Variants in TAF4B observed in about 807,000 individuals in gnomAD.
TAF4B encodes the protein transcription initiation factor TFIID subunit 4B.
A neutral mutation model predicts 86.4 loss-of-function variants in TAF4B; 38 were observed. The ratio of observed to expected loss-of-function variants is 0.44; its 90% confidence interval spans 0.34 to 0.58. TAF4B has a LOEUF of 0.58. Ranked by LOEUF, TAF4B falls within the 20% of genes least tolerant of loss-of-function variation. The pLI is 0.02. For missense variants in TAF4B, 988 were observed against 1,027.6 expected, an observed-to-expected ratio of 0.96 and a Z score of 0.53; for synonymous variants, 388 against 391.2, an observed-to-expected ratio of 0.99 and a Z score of 0.10.
At chr18:26,331,894 C>G (rs2057053135) in intron 12 of TAF4B, among the ~76,000 whole-genome samples, 1 of 152,190 alleles carries the variant, frequency 6.6e-6, no homozygotes, top group Non-Finnish European at 1.5e-5. Context: ...CTAAAAGCCT[C>G]CAGTGGCTTC....
chr18:26,336,391 T>C (rs1260553585), intron 13 of TAF4B, among the ~76,000 whole-genome samples: 1 of 152,188 alleles, frequency 6.6e-6, no homozygotes, highest in East Asian at 1.9e-4. Flanking sequence ...TTGTTTGGAT[T>C]AATGTAGGAA....
chr18:26,371,640 G>T (rs1460054650), intron 14 of TAF4B, among the ~76,000 whole-genome samples: 1 of 152,202 alleles, frequency 6.6e-6, no homozygotes, highest in African/African-American at 2.4e-5. Context: ...GGTGATCATG[G>T]TATCCCTAGA....
chr18:26,295,455 A>G (rs575963160), intron 9 of TAF4B: 1 of 176,740 alleles, frequency 5.7e-6, no homozygotes, highest in South Asian at 1.2e-4. Context: ...GATTCTTATA[A>G]GGAGCACACA....
At chr18:26,308,010 A>G (rs573348351) in intron 9 of TAF4B, among the ~76,000 whole-genome samples, 1 of 152,206 alleles carries the variant, frequency 6.6e-6, no homozygotes, top group African/African-American at 2.4e-5. Context: ...TGGGAGGCTG[A>G]GGCAGGGAGA....
chr18:26,366,039 C>T (rs570238540), intron 14 of TAF4B, among the ~76,000 whole-genome samples: 158 of 152,274 alleles, frequency 1.0e-3, no homozygotes, highest in South Asian at 3.1e-3. Flanking sequence ...GATCCGCTGC[C>T]TCGGCCTCCT....
At chr18:26,242,891 T>G (rs909959895) in intron 1 of TAF4B, among the ~76,000 whole-genome samples, 5 of 152,214 alleles carry the variant, frequency 3.3e-5, no homozygotes, top group Non-Finnish European at 7.3e-5. Context: ...ATTCTTTCTT[T>G]AAGAATGTTG....
rs563036342 is a variant in TAF4B, at chr18:26,376,610, T to C, written c.2422-13235T>C. ...TTCTTGGGATTTTCTATATACAAGA[T>C]CATGTCATCTGCAAATAGTGGTAGT... On this transcript the variant is annotated intron_variant, in intron 14 of 14. Transcript: ENST00000269142. 7.2e-5 allele frequency among the ~76,000 whole-genome samples: 11 copies of C among 152,182 alleles called. 1 individual carries two copies. In the South Asian group the frequency reaches 2.3e-3, roughly 32 times the overall value.
chr18:26,299,836 A>G (rs1000269251), intron 9 of TAF4B, among the ~76,000 whole-genome samples: 1 of 152,062 alleles, frequency 6.6e-6, no homozygotes, highest in Non-Finnish European at 1.5e-5. Context: ...TTTTCTTTTG[A>G]ATGTGTATAG....
intron 13 of TAF4B, among the ~76,000 whole-genome samples, chr18:26,342,387 C>T (rs1000167590): frequency 6.6e-6 from 1 of 152,162 alleles, no homozygotes; most frequent in Non-Finnish European, 1.5e-5. Flanking sequence ...CTGTTCCTGT[C>T]CAGGCTGTTA....
chr18:26,260,855 A>C (rs2056155235), intron 1 of TAF4B, among the ~76,000 whole-genome samples: 1 of 152,074 alleles, frequency 6.6e-6, no homozygotes, highest in South Asian at 2.1e-4. Context: ...GGTTCCTTTT[A>C]TTCCTTTGAA....
At chr18:26,343,159 C>A (rs1331699681) in intron 13 of TAF4B, among the ~76,000 whole-genome samples, 1 of 152,154 alleles carries the variant, frequency 6.6e-6, no homozygotes, top group Non-Finnish European at 1.5e-5. Context: ...CCCCTACCCC[C>A]ATTCTTCCTA....
intron 9 of TAF4B, among the ~76,000 whole-genome samples, chr18:26,296,303 C>T (rs1028321142): frequency 5.9e-5 from 9 of 152,162 alleles, no homozygotes; most frequent in African/African-American, 2.2e-4. Flanking sequence ...AGAATCTGCA[C>T]ATTTCAGTCT....
At chr18:26,241,008 G>T (rs2055829653) in intron 1 of TAF4B, among the ~76,000 whole-genome samples, 1 of 152,126 alleles carries the variant, frequency 6.6e-6, no homozygotes, top group South Asian at 2.1e-4. Flanking sequence ...GAGGATTTTT[G>T]TATCGATGTT....
intron 14 of TAF4B, among the ~76,000 whole-genome samples, chr18:26,383,208 G>A (rs1193286292): frequency 6.6e-6 from 1 of 152,148 alleles, no homozygotes; most frequent in Non-Finnish European, 1.5e-5. Context: ...CTTAGCCACT[G>A]GAGCATTTCA....
chr18:26,262,814 A>G (rs1470340321), intron 1 of TAF4B, among the ~76,000 whole-genome samples: 1 of 152,148 alleles, frequency 6.6e-6, no homozygotes, highest in African/African-American at 2.4e-5. Flanking sequence ...TGTTTTATAA[A>G]AATAATTTTC....
intron 2 of TAF4B, 53 bp downstream of exon 2, chr18:26,265,368 C>T (rs770566542): frequency 5.0e-5 from 76 of 1,530,782 alleles, no homozygotes; most frequent in Non-Finnish European, 6.6e-5. Context: ...CTATAATTTT[C>T]ATATAAATGT....
At chr18:26,287,381 G>A (rs1018604938) in intron 7 of TAF4B, among the ~76,000 whole-genome samples, 3 of 152,120 alleles carry the variant, frequency 2.0e-5, no homozygotes, top group Admixed American at 1.3e-4. Context: ...CAGAATATTT[G>A]CAGAATAGTC....
Position 26,227,248 on chromosome 18 carries a change from G to A in TAF4B, c.315G>A (p.Gln105=), listed in dbSNP as rs1187760859. The A allele has an allele frequency of 6.2e-7, 1 of 1,613,024 alleles. No homozygotes were observed. The highest frequency in any genetic ancestry group is 8.5e-7 in the Non-Finnish European group (1 of 1,179,628). The part of the protein sequence containing the change: ...AVKAPNTTTI[Q]FPANLQLPPG... ...AAGCCCCCAACACCACGACAATCCA[G>A]TTTCCTGCTAATTTGCAGCTTCCTC... The change falls in exon 1 of 15, where the codon CAG becomes CAA. Residue 105 remains glutamine (Q), a synonymous_variant. Transcript: ENST00000269142.
intron 14 of TAF4B, among the ~76,000 whole-genome samples, chr18:26,382,169 A>G (rs2057484609): frequency 6.6e-6 from 1 of 152,212 alleles, no homozygotes; most frequent in African/African-American, 2.4e-5. Context: ...GCTAATTCTT[A>G]AAGAAAAATG....
Sources: gnomAD v4.1 joint callset for allele counts (sites outside exome capture counted in the v4.1 genomes callset) on GRCh38, gnomAD v4.1.1 for gene constraint, MANE v1.5 for transcripts, NCBI Gene and HGNC (gene_info 2026-07-23, HGNC 2026-07-21) for gene names.